The following CFAP92 variants were observed in gnomAD, a reference collection of about 807,000 sequenced individuals.
The protein encoded by CFAP92 is cilia and flagella associated protein 92 (putative).
In CFAP92, 86 loss-of-function variants were observed where a neutral mutation model predicts 106.3. The observed-to-expected ratio is 0.81, with a 90% CI of 0.68 to 0.97. CFAP92 has a LOEUF of 0.97. Among genes scored for constraint, CFAP92 ranks in the 50% least tolerant of loss-of-function variants. The pLI, the probability that CFAP92 is intolerant of heterozygous loss-of-function variation, is 0.00. For synonymous variants in CFAP92, 477 were observed against 506.4 expected (o/e 0.94, Z 0.78); for missense variants, 1,204 against 1,283.8 (o/e 0.94, Z 0.95).
rs753649149 is a variant in CFAP92, at chr3:128,945,471, T to C, written c.1858A>G (p.Met620Val). 14 of 1,536,060 alleles carry C rather than the reference T, an allele frequency of 9.1e-6. No individual in the cohort carries two copies. The highest frequency in any genetic ancestry group is 7.3e-5 in the East Asian group (3 of 40,938). The change falls in exon 10 of 16, where the codon ATG becomes GTG. Residue 620 changes from methionine to valine, a missense_variant. By Grantham distance (21) the Met-to-Val change is conservative. Transcript: ENST00000645291. The part of the protein sequence containing the change: ...VPRDGHQHGP[M>V]PRGNYLEADS... ...GCCTCTAGGTAGTTGCCCCTGGGCA[T>C]TGGGCCGTGCTGGTGGCCATCTCTG...
intron 15 of CFAP92, chr3:128,910,618 T>C: frequency 1.9e-6 from 2 of 1,060,556 alleles, no homozygotes; most frequent in South Asian, 1.3e-5. Context: ...ACGGGGTGAC[T>C]CCTGTGCCAG....
At chr3:128,912,792 C>T (rs541164562) in intron 15 of CFAP92, 1 of 736,852 alleles carries the variant, frequency 1.4e-6, no homozygotes, top group Non-Finnish European at 2.5e-6. Context: ...GCAGGCAGTG[C>T]TCTCTAACAG....
At chr3:128,919,660 C>G (rs1937106560) in intron 12 of CFAP92, among the ~76,000 whole-genome samples, 1 of 152,114 alleles carries the variant, frequency 6.6e-6, no homozygotes, top group South Asian at 2.1e-4. Context: ...GCAGTTTTCT[C>G]TCAAGGGATT....
At chr3:128,971,155 G>C (rs1942762000) in intron 8 of CFAP92, 132 bp downstream of exon 8, 38 of 1,442,064 alleles carry the variant, frequency 2.6e-5, no homozygotes, top group Non-Finnish European at 3.5e-5. Flanking sequence ...CAATTCCCCT[G>C]AGTTTCCTGA....
intron 2 of CFAP92, among the ~76,000 whole-genome samples, chr3:128,991,003 C>T (rs561388159): frequency 4.6e-5 from 7 of 152,006 alleles, no homozygotes; most frequent in African/African-American, 7.2e-5. Context: ...TATGTAGAGC[C>T]GAAGGTATGT....
At chr3:128,941,057 T>C (rs998943227) in intron 10 of CFAP92, among the ~76,000 whole-genome samples, 4 of 152,204 alleles carry the variant, frequency 2.6e-5, no homozygotes, top group African/African-American at 9.6e-5. Flanking sequence ...ACATGGTATC[T>C]CTCTCCACTT....
At chr3:128,987,544 C>T (rs1281490101) in intron 4 of CFAP92, 72 bp downstream of exon 4, 1 of 1,327,158 alleles carries the variant, frequency 7.5e-7, no homozygotes, top group Non-Finnish European at 1.1e-6. Context: ...AACCAGGAGA[C>T]ACTGGCTTTT....
rs201002880 is a variant in CFAP92 at position 128,932,845 on chromosome 3, G to T, written c.2606C>A (p.Pro869Gln). 2.9e-5 allele frequency: 44 copies of T among 1,536,108 alleles called. No homozygotes were observed. Among genetic ancestry groups the T allele is most frequent in the Non-Finnish European group, 3.7e-5 (42 of 1,146,924 alleles). ...ELTDEKLFAL[P>Q]PQPAPNLEDY... ...CTCAAGATTGGGGGCAGGCTGAGGT[G>T]GTAGGGCAAACAGTTTCTCATCTGT... The change falls in exon 12 of 16, where the codon CCA becomes CAA. Residue 869 changes from proline to glutamine, a missense_variant. Physicochemically the swap from Pro to Gln is moderately conservative, Grantham distance 76. Transcript: ENST00000645291.
chr3:128,912,618 A>T (rs753666129), intron 15 of CFAP92: 4 of 1,610,908 alleles, frequency 2.5e-6, no homozygotes, highest in Non-Finnish European at 3.4e-6. Flanking sequence ...GGCAGGGGAC[A>T]GTGTCCCCTG....
upstream of CFAP92, among the ~76,000 whole-genome samples, chr3:128,995,949 CCTT>C (rs1223584556): frequency 2.0e-5 from 3 of 152,224 alleles, no homozygotes; most frequent in African/African-American, 7.2e-5. Flanking sequence ...GGTCTAGTCT[CCTT>C]CTCTGGAAAC....
At position 128,993,104 on chromosome 3, in the gene CFAP92, G is replaced by A. The variant is rs1323666085; in HGVS notation, c.201C>T (p.Ser67=). The A allele has an allele frequency of 1.2e-6, 2 of 1,614,092 alleles. No individual in the cohort carries two copies. The highest frequency in any genetic ancestry group is 1.3e-5 in the African/African-American group (1 of 75,070). ...SSSEPASTFS[S]DVPHVVPCKF... ...TGCAGGGGACCACGTGGGGCACGTC[G>A]GAGCTGAAAGTGCTGGCAGGCTCAG... The change falls in exon 2 of 16, where the codon TCC becomes TCT. Residue 67 remains serine (S), a synonymous_variant. Coordinates refer to ENST00000645291, the MANE Select transcript of CFAP92 (RefSeq NM_001394090.1).
intron 12 of CFAP92, among the ~76,000 whole-genome samples, chr3:128,921,126 G>A (rs1449165865): frequency 6.6e-6 from 1 of 152,054 alleles, no homozygotes; most frequent in Admixed American, 6.6e-5. Context: ...ATGCACTCTT[G>A]TCTCATCTGT....
intron 4 of CFAP92, among the ~76,000 whole-genome samples, chr3:128,985,447 A>T (rs13086121): frequency 0.31 from 46,556 of 152,138 alleles, 7,370 homozygotes; most frequent in East Asian, 0.56. Flanking sequence ...CCTGGGCAAC[A>T]GAGTGAGACT....
At chr3:128,914,664 C>T (rs62265270) in intron 15 of CFAP92, 7,480 of 161,676 alleles carry the variant, frequency 0.046, 364 homozygotes, top group African/African-American at 0.12. Context: ...GGGACTGGTA[C>T]AGCAAGACCT....
At chr3:128,923,116 T>G (rs1435931881) in intron 12 of CFAP92, among the ~76,000 whole-genome samples, 2 of 152,126 alleles carry the variant, frequency 1.3e-5, no homozygotes, top group African/African-American at 2.4e-5. Context: ...TCGCTAGATT[T>G]ACTAACGTGG....
the CFAP92 span, among the ~76,000 whole-genome samples, chr3:129,016,873 T>C: frequency 6.6e-6 from 1 of 152,220 alleles, no homozygotes; most frequent in Non-Finnish European, 1.5e-5. Flanking sequence ...TCAGTGATGA[T>C]GCTTTATGCT....
At position 128,936,088 on chromosome 3, in the gene CFAP92, C is replaced by T. The variant is rs1938991741; in HGVS notation, c.2259-769G>A. ...CCCACTCAGCCCCTCACCACCCCTCCAAGCCCTGCCCTGGCACTCGCGGTC... is the reference window on the plus strand; with the variant it reads ...CCCACTCAGCCCCTCACCACCCCTCTAAGCCCTGCCCTGGCACTCGCGGTC... On this transcript the variant is annotated intron_variant, in intron 10 of 15. Transcript: ENST00000645291. Among the ~76,000 whole-genome samples, 6 of 152,256 alleles carry T rather than the reference C, an allele frequency of 3.9e-5. No homozygotes were observed. In the South Asian group the frequency reaches 1.2e-3, roughly 32 times the overall value.
chr3:128,932,490 G>T (rs1427909482), intron 12 of CFAP92, among the ~76,000 whole-genome samples: 1 of 152,110 alleles, frequency 6.6e-6, no homozygotes, highest in East Asian at 1.9e-4. Context: ...GAAGGACAAG[G>T]TTATCTAGGA....
chr3:129,026,116 G>T, the CFAP92 span, among the ~76,000 whole-genome samples: 13 of 152,268 alleles, frequency 8.5e-5, no homozygotes, highest in African/African-American at 3.1e-4. Flanking sequence ...GAAGATGTTT[G>T]AAATATTGAG....
Sources: gnomAD v4.1 joint callset for allele counts (sites outside exome capture counted in the v4.1 genomes callset) on GRCh38, gnomAD v4.1.1 for gene constraint, MANE v1.5 for transcripts, NCBI Gene and HGNC (gene_info 2026-07-23, HGNC 2026-07-21) for gene names.